The following FKTN variants were observed in gnomAD, a reference collection of about 807,000 sequenced individuals.
The protein encoded by FKTN is ribitol-5-phosphate transferase FKTN.
In FKTN, 47 loss-of-function variants were observed where a neutral mutation model predicts 58.6. The ratio of observed to expected loss-of-function variants is 0.80; its 90% CI spans 0.63 to 1.02. The LOEUF is 1.02. Among genes scored for constraint, FKTN ranks in the 50% least tolerant of loss-of-function variants. The probability of loss-of-function intolerance (pLI) is 0.00; values close to 1 mark genes in which losing one functional copy is unlikely to be tolerated. For synonymous variants in FKTN, 178 were observed against 191.9 expected, an observed-to-expected ratio of 0.93 and a Z score of 0.60; for missense variants, 516 against 537.3, an observed-to-expected ratio of 0.96 and a Z score of 0.39.
chr9:105,589,367 A>T (rs1587993972), intron 3 of FKTN, among the ~76,000 whole-genome samples: 1 of 151,978 alleles, frequency 6.6e-6, no homozygotes, highest in Non-Finnish European at 1.5e-5. Flanking sequence ...GTGTTGTGGC[A>T]TATGCCTGCC....
At position 105,638,522 on chromosome 9, in the gene FKTN, C is replaced by T; in HGVS notation, c.*3258C>T. ...TTACCATTCTATTTCCCAAGGGAAC[C>T]ATCAGCACCAACCTGCTAAATGCCT... On this transcript the variant is annotated 3_prime_UTR_variant, in exon 11 of 11. Transcript: ENST00000357998. The T allele has an allele frequency of 2.0e-6, 2 of 985,422 alleles. No individual in the cohort carries two copies. The highest frequency in any genetic ancestry group is 2.4e-6 in the Non-Finnish European group (2 of 829,938). 61.0% of individuals were successfully genotyped at this position (985,422 alleles called of 1,614,324 possible).
Position 105,604,318 on chromosome 9 carries a change from TC to T in FKTN, c.478del (p.Leu160CysfsTer15), listed in dbSNP as rs1425087504. ...ATAGACTCACTCTCTGGAACTGAAA[TC>T]CCCCTGCACTATATCTGCAAACTGG... is the stretch of plus-strand genomic sequence containing the variant. Reference protein sequence around the residue: ...DGIDSLSGTEIPLHYICKLAT... With the variant: ...DGIDSLSGTEXPLHYICKLAT... On this transcript the variant is annotated frameshift_variant, in exon 6 of 11. Coordinates refer to ENST00000357998, the MANE Select transcript of FKTN (RefSeq NM_001079802.2). LOFTEE classifies it high-confidence loss of function. The T allele has an allele frequency of 6.2e-7, 1 of 1,614,046 alleles. No individual in the cohort carries two copies. The highest frequency in any genetic ancestry group is 1.1e-5 in the South Asian group (1 of 91,074).
Position 105,582,574 on chromosome 9 carries a change from C to A in FKTN, c.105+7437C>A, listed in dbSNP as rs1481713087. ...CCCAATATCTAATGTGTATAGCTGA[C>A]CTCTAATGTCCCTAGCTCCATTTTT... On this transcript the variant is annotated intron_variant, in intron 3 of 10. Transcript: ENST00000357998. 2.6e-5 allele frequency among the ~76,000 whole-genome samples: 4 copies of A among 152,264 alleles called. No homozygotes were observed. In the East Asian group the frequency reaches 7.7e-4, roughly 29 times the overall value.
chr9:105,615,627 A>G (rs1262370282), intron 8 of FKTN, among the ~76,000 whole-genome samples: 1 of 152,222 alleles, frequency 6.6e-6, no homozygotes, highest in Non-Finnish European at 1.5e-5. Context: ...GTGTTTACTC[A>G]TAATTATAAA....
At chr9:105,579,238 GTTCTC>G (rs1179712496) in intron 3 of FKTN, among the ~76,000 whole-genome samples, 2 of 152,134 alleles carry the variant, frequency 1.3e-5, no homozygotes, top group Non-Finnish European at 2.9e-5. Flanking sequence ...TGCTTCTCTA[GTTCTC>G]TTAATTGTGA....
intron 3 of FKTN, 93 bp downstream of exon 3, chr9:105,575,230 T>G (rs1032025444): frequency 6.3e-6 from 5 of 797,106 alleles, no homozygotes; most frequent in Non-Finnish European, 1.1e-5. Flanking sequence ...ATATTAATCA[T>G]GGGTATTCAA....
chr9:105,562,794 T>G (rs1176994678), intron 1 of FKTN, among the ~76,000 whole-genome samples: 1 of 152,156 alleles, frequency 6.6e-6, no homozygotes, highest in Non-Finnish European at 1.5e-5. Flanking sequence ...CTGTCATAAT[T>G]TTGCAAAGGC....
chr9:105,624,788 GTT>G (rs2133304092), intron 10 of FKTN, among the ~76,000 whole-genome samples: 1 of 152,124 alleles, frequency 6.6e-6, no homozygotes, highest in African/African-American at 2.4e-5. Flanking sequence ...TGTTATAGGT[GTT>G]TGTTAGACAC....
chr9:105,638,265 CTAAG>C lies in FKTN; in HGVS notation c.*3003_*3006del. On this transcript the variant is annotated 3_prime_UTR_variant, in exon 11 of 11. Transcript: ENST00000357998. ...GAAGGCATCCAGTGCTTCATTGAGG[CTAAG>C]TCTCAGGGTGTTTCTGCCGCTTAGT... is the stretch of plus-strand genomic sequence containing the variant. 1.8e-5 allele frequency: 18 copies of C among 985,352 alleles called. No individual in the cohort carries two copies. The highest frequency in any genetic ancestry group is 2.2e-5 in the Non-Finnish European group (18 of 829,908). 61.0% of individuals were successfully genotyped at this position (985,352 alleles called of 1,614,324 possible). A position where few individuals can be genotyped will look rare whatever the true frequency, so the allele number is the denominator to read the frequency against.
chr9:105,567,872 C>A (rs556624636), intron 1 of FKTN, among the ~76,000 whole-genome samples: 18 of 152,148 alleles, frequency 1.2e-4, no homozygotes, highest in Non-Finnish European at 2.5e-4. Context: ...GGAGGCATCA[C>A]GCTACCTGAC....
At chr9:105,602,426 T>C (rs974308661) in intron 5 of FKTN, among the ~76,000 whole-genome samples, 1 of 152,234 alleles carries the variant, frequency 6.6e-6, no homozygotes, top group African/African-American at 2.4e-5. Context: ...AAGGGGAGTA[T>C]GCCACCATTG....
Position 105,607,799 on chromosome 9 carries a change from A to G in FKTN, c.648-20A>G, listed in dbSNP as rs766275304. ...TGTTTCCCCCACCCCTCATTAATAA[A>G]TCTTAACTTTTGTTTTCAGGCCAGA... is the stretch of plus-strand genomic sequence containing the variant. On this transcript the variant is annotated intron_variant, in intron 6 of 10. Coordinates refer to ENST00000357998, the MANE Select transcript of FKTN (RefSeq NM_001079802.2). 1.2e-6 allele frequency: 2 copies of G among 1,610,444 alleles called. No homozygotes were observed. Among genetic ancestry groups the G allele is most frequent in the South Asian group, 1.1e-5 (1 of 91,018 alleles).
intron 5 of FKTN, 90 bp downstream of exon 5, chr9:105,601,438 T>G: frequency 1.1e-6 from 1 of 925,940 alleles, no homozygotes; most frequent in Non-Finnish European, 1.7e-6. Flanking sequence ...ACATTAAAAA[T>G]TTTTCCTGAA....
intron 3 of FKTN, among the ~76,000 whole-genome samples, chr9:105,581,868 G>C (rs1382263962): frequency 6.6e-6 from 1 of 152,202 alleles, no homozygotes; most frequent in Non-Finnish European, 1.5e-5. Context: ...ATAGTCTCGT[G>C]GTGCACTGTT....
Position 105,639,524 on chromosome 9 carries a change from A to G in FKTN, c.*4260A>G. On this transcript the variant is annotated 3_prime_UTR_variant, in exon 11 of 11. Coordinates refer to ENST00000357998, the MANE Select transcript of FKTN (RefSeq NM_001079802.2). Reference sequence around the variant, plus strand: ...CAGGCCTAGGATTAAGTAAGTACTCAAGAAATGTGCAATTTTCTAGTTCCA... The same window carrying G: ...CAGGCCTAGGATTAAGTAAGTACTCGAGAAATGTGCAATTTTCTAGTTCCA... 1.1e-6 allele frequency: 1 copy of G among 941,406 alleles called. No homozygotes were observed. Among genetic ancestry groups the G allele is most frequent in the Non-Finnish European group, 1.3e-6 (1 of 789,722 alleles). The allele number at this position is 941,406 out of a possible 1,614,324, so 58.3% of individuals were successfully genotyped here. A position where few individuals can be genotyped will look rare whatever the true frequency, so the allele number is the denominator to read the frequency against.
At chr9:105,569,692 C>T (rs1225379483) in intron 1 of FKTN, among the ~76,000 whole-genome samples, 1 of 152,142 alleles carries the variant, frequency 6.6e-6, no homozygotes, top group African/African-American at 2.4e-5. Flanking sequence ...AAGAATAATT[C>T]TGTGTCGCAA....
At chr9:105,583,077 T>A (rs1043097913) in intron 3 of FKTN, among the ~76,000 whole-genome samples, 10 of 152,148 alleles carry the variant, frequency 6.6e-5, no homozygotes, top group African/African-American at 2.4e-4. Flanking sequence ...GAAGTAAGGT[T>A]TTACTATTGT....
intron 3 of FKTN, among the ~76,000 whole-genome samples, chr9:105,592,512 C>G (rs1278975061): frequency 6.6e-6 from 1 of 152,072 alleles, no homozygotes; most frequent in African/African-American, 2.4e-5. Flanking sequence ...TGATGGGTGC[C>G]TGTAATCCTA....
At chr9:105,578,102 A>G (rs1842098383) in intron 3 of FKTN, among the ~76,000 whole-genome samples, 1 of 151,922 alleles carries the variant, frequency 6.6e-6, no homozygotes, top group African/African-American at 2.4e-5. Context: ...ATATACAATC[A>G]TGTCGTCTGC....
Sources: gnomAD v4.1 joint callset for allele counts (sites outside exome capture counted in the v4.1 genomes callset) on GRCh38, gnomAD v4.1.1 for gene constraint, MANE v1.5 for transcripts, NCBI Gene and HGNC (gene_info 2026-07-23, HGNC 2026-07-21) for gene names.